Variants in LMO3 observed in about 807,000 individuals in gnomAD.
LMO3 encodes LIM domain only protein 3.
A neutral mutation model predicts 15.8 loss-of-function variants in LMO3; 2 were observed. That is an observed-to-expected ratio of 0.13 (90% confidence interval 0.05 to 0.40). The LOEUF (loss-of-function observed/expected upper bound fraction) is 0.40. LMO3 is among the 10% of genes least tolerant of loss of function. LMO3 has a pLI of 0.99. For missense variants in LMO3, 86 were observed against 182.2 expected (o/e 0.47, Z 3.04); for synonymous variants, 62 against 63.8 (o/e 0.97, Z 0.13).
At position 16,549,641 on chromosome 12, in the gene LMO3, CAA is replaced by C. The variant is rs1198983339; in HGVS notation, c.*1579_*1580del. ...CCTATACAAGTGATCAAGAAAAAAA[CAA>C]AGAAAAAGAAAACCCATAGCACTAA... On this transcript the variant is annotated 3_prime_UTR_variant, in exon 4 of 4. Transcript: ENST00000537304. The C allele has an allele frequency of 6.6e-6, 1 of 151,866 alleles. No individual in the cohort carries two copies. Among genetic ancestry groups the C allele is most frequent in the African/African-American group, 2.4e-5 (1 of 41,268 alleles). 9.4% of individuals were successfully genotyped at this position (151,866 alleles called of 1,614,324 possible).
In LMO3 at chr12:16,593,989, A is replaced by T. The variant is rs777506805; in HGVS notation, c.206+6666T>A. ...ATTAGATATTTAAAATCACAAGGAA[A>T]TAAATTTAGGCATTCTGTAGTTTTA... is the stretch of plus-strand genomic sequence containing the variant. On this transcript the variant is annotated intron_variant, in intron 2 of 3. Coordinates refer to ENST00000537304, the MANE Select transcript of LMO3 (RefSeq NM_018640.5). This position sits in a 1 kb window ranked among gnomAD's most constrained non-coding sequence, Gnocchi z 4.2. 4.1e-5 allele frequency: 27 copies of T among 652,008 alleles called. No individual in the cohort carries two copies. Among genetic ancestry groups the T allele is most frequent in the Non-Finnish European group, 6.6e-5 (27 of 406,216 alleles). 40.4% of individuals were successfully genotyped at this position (652,008 alleles called of 1,614,324 possible). A position where few individuals can be genotyped will look rare whatever the true frequency, so the allele number is the denominator to read the frequency against.
intron 2 of LMO3, among the ~76,000 whole-genome samples, chr12:16,594,937 T>G (rs1388725186): frequency 6.6e-6 from 1 of 151,568 alleles, no homozygotes; most frequent in African/African-American, 2.4e-5. Context: ...TGATATAGTC[T>G]AAGAGCAACC....
At chr12:16,558,681 G>A (rs1329996417) in intron 3 of LMO3, among the ~76,000 whole-genome samples, 1 of 152,066 alleles carries the variant, frequency 6.6e-6, no homozygotes, top group Non-Finnish European at 1.5e-5. Context: ...TTACATGACT[G>A]TCTGGGTAAC....
Position 16,582,083 on chromosome 12 carries a change from ATTACT to A in LMO3, c.206+18567_206+18571del, listed in dbSNP as rs977976486. On this transcript the variant is annotated intron_variant, in intron 2 of 3. Coordinates refer to ENST00000537304, the MANE Select transcript of LMO3 (RefSeq NM_018640.5). The surrounding 1 kb of genome is among the most constrained non-coding windows in gnomAD (Gnocchi z 4.1). ...TGGCTTTTTCTTGGCTTTAATGGAA[ATTACT>A]TTAGTATTTAGCTGTTTTATAAATT... Among the ~76,000 whole-genome samples the A allele has an allele frequency of 4.6e-5, 7 of 152,176 alleles. No individual in the cohort carries two copies. Among genetic ancestry groups the A allele is most frequent in the Admixed American group, 3.9e-4 (6 of 15,276 alleles).
At chr12:16,588,933 G>T (rs1275178057) in intron 2 of LMO3, among the ~76,000 whole-genome samples, 1 of 151,282 alleles carries the variant, frequency 6.6e-6, no homozygotes, top group Non-Finnish European at 1.5e-5. Flanking sequence ...AATGTGTACC[G>T]CTCTTTCCCT....
intron 3 of LMO3, among the ~76,000 whole-genome samples, chr12:16,554,833 A>AT (rs1177587597): frequency 6.6e-6 from 1 of 151,380 alleles, no homozygotes. Context: ...ATTTTTTTGT[A>AT]TTTTTTAGTA....
At chr12:16,565,794 A>G (rs1942577046) in intron 2 of LMO3, among the ~76,000 whole-genome samples, 1 of 151,360 alleles carries the variant, frequency 6.6e-6, no homozygotes, top group Non-Finnish European at 1.5e-5. Flanking sequence ...AGGTTCCTCA[A>G]AAAAATTAAA....
intron 2 of LMO3, among the ~76,000 whole-genome samples, chr12:16,575,832 C>T (rs965278322): frequency 2.8e-4 from 42 of 151,874 alleles, no homozygotes; most frequent in African/African-American, 1.0e-3. Context: ...TCACTTTCTA[C>T]TCACCAGGGC....
At chr12:16,580,130 G>A (rs1012292316) in intron 2 of LMO3, among the ~76,000 whole-genome samples, 3 of 152,046 alleles carry the variant, frequency 2.0e-5, no homozygotes, top group Middle Eastern at 3.2e-3. Context: ...ATACACCTAC[G>A]TTATTTTTAT....
In LMO3 at chr12:16,551,077, G is replaced by T. The variant is rs531907828; in HGVS notation, c.*145C>A. The stretch of plus-strand genomic sequence containing the variant: ...GGCAATTTCACTACATACAGATGCA[G>T]TCCGCCTTTTATTCCATATAACCAT... On this transcript the variant is annotated 3_prime_UTR_variant, in exon 4 of 4. Coordinates refer to ENST00000537304, the MANE Select transcript of LMO3 (RefSeq NM_018640.5). 7.0e-6 allele frequency: 4 copies of T among 572,390 alleles called. No individual in the cohort carries two copies. The South Asian group carries it at 1.1e-4, about 15-fold the overall frequency. The allele number at this position is 572,390 out of a possible 1,614,324, so 35.5% of individuals were successfully genotyped here. A position where few individuals can be genotyped will look rare whatever the true frequency, so the allele number is the denominator to read the frequency against.
At chr12:16,572,412 G>A (rs1172260323) in intron 2 of LMO3, among the ~76,000 whole-genome samples, 4 of 103,616 alleles carry the variant, frequency 3.9e-5, no homozygotes, top group Non-Finnish European at 7.2e-5. Context: ...TTTAGAATGT[G>A]TATCTATCTT....
intron 2 of LMO3, among the ~76,000 whole-genome samples, chr12:16,577,113 T>C (rs559661607): frequency 7.9e-5 from 12 of 152,314 alleles, no homozygotes; most frequent in Non-Finnish European, 1.5e-4. Context: ...AGAAAACTTG[T>C]GACTGGTAAC....
intron 1 of LMO3, among the ~76,000 whole-genome samples, chr12:16,601,073 T>C (rs1270019634): frequency 6.6e-6 from 1 of 152,202 alleles, no homozygotes; most frequent in Non-Finnish European, 1.5e-5. Flanking sequence ...AAGTTACACA[T>C]GCCAAGTGAC....
At chr12:16,568,950 T>G (rs2137415808) in intron 2 of LMO3, among the ~76,000 whole-genome samples, 1 of 152,338 alleles carries the variant, frequency 6.6e-6, no homozygotes, top group Non-Finnish European at 1.5e-5. Context: ...AGACATTTTT[T>G]TCTAACTTGA....
Position 16,550,751 on chromosome 12 carries a change from A to G in LMO3, c.*471T>C, listed in dbSNP as rs1217301367. 1 of 153,712 alleles carries G rather than the reference A, an allele frequency of 6.5e-6. No homozygotes were observed. The highest frequency in any genetic ancestry group is 6.5e-5 in the Admixed American group (1 of 15,466). The allele number at this position is 153,712 out of a possible 1,614,324, so 9.5% of individuals were successfully genotyped here. ...TATCATTAGTGAGATTTGCTTTTCA[A>G]TTCTTTACTAGAAAGTTACAGCTCA... On this transcript the variant is annotated 3_prime_UTR_variant, in exon 4 of 4. Coordinates refer to ENST00000537304, the MANE Select transcript of LMO3 (RefSeq NM_018640.5).
At position 16,573,012 on chromosome 12, in the gene LMO3, T is replaced by G. The variant is rs372762810; in HGVS notation, c.207-12474A>C. On this transcript the variant is annotated intron_variant, in intron 2 of 3. Transcript: ENST00000537304. ...AGATTTTTTTAAAGGAGTGCAATTC[T>G]TAAAATTTTCCTGTTTTTATTATGT... 2.0e-5 allele frequency among the ~76,000 whole-genome samples: 3 copies of G among 152,052 alleles called. No individual in the cohort carries two copies. The East Asian group carries it at 5.8e-4, about 29-fold the overall frequency.
At chr12:16,575,283 A>G (rs532829701) in intron 2 of LMO3, among the ~76,000 whole-genome samples, 5 of 152,222 alleles carry the variant, frequency 3.3e-5, no homozygotes, top group African/African-American at 1.2e-4. Flanking sequence ...CATAAGGTCA[A>G]TTTCCACACA....
intron 1 of LMO3, among the ~76,000 whole-genome samples, chr12:16,601,617 T>C (rs539932986): frequency 3.9e-5 from 6 of 152,188 alleles, no homozygotes; most frequent in African/African-American, 1.4e-4. Flanking sequence ...TTTATTACCA[T>C]AAACATGCAA....
intron 2 of LMO3, among the ~76,000 whole-genome samples, chr12:16,581,735 CAG>C (rs1288752177): frequency 6.6e-6 from 1 of 151,872 alleles, no homozygotes; most frequent in South Asian, 2.1e-4. Context: ...TTTTTTTCAG[CAG>C]AGTTTTCCTT....
Sources: allele counts gnomAD v4.1 joint callset (sites outside exome capture counted in the v4.1 genomes callset), GRCh38; gene constraint gnomAD v4.1.1; non-coding constraint Gnocchi (gnomAD v3.1); transcripts MANE v1.5; gene names NCBI Gene and HGNC (gene_info 2026-07-23, HGNC 2026-07-21).